GRID2: variants seen among roughly 807,000 people sequenced by gnomAD.
GRID2 encodes the protein glutamate receptor ionotropic, delta-2.
A neutral mutation model predicts 114.8 loss-of-function variants in GRID2; 33 were observed. That is an observed-to-expected ratio of 0.29 (90% CI 0.22 to 0.38). GRID2 has a LOEUF of 0.38. GRID2 is among the 10% of genes least tolerant of loss of function. GRID2 has a pLI of 1.00. For missense variants in GRID2, 1,184 were observed against 1,257.7 expected, an observed-to-expected ratio of 0.94 and a Z score of 0.89; for synonymous variants, 505 against 449.9, an observed-to-expected ratio of 1.12 and a Z score of -1.55.
chr4:92,528,292 A>T (rs1009563361), intron 1 of GRID2, among the ~76,000 whole-genome samples: 87 of 145,978 alleles, frequency 6.0e-4, no homozygotes, highest in African/African-American at 1.8e-3. Flanking sequence ...ATATATATAT[A>T]TTTTGAGTAT....
At chr4:92,390,512 G>A (rs950640222) in intron 1 of GRID2, among the ~76,000 whole-genome samples, 3 of 152,040 alleles carry the variant, frequency 2.0e-5, no homozygotes, top group African/African-American at 7.2e-5. Flanking sequence ...TTAATAGAAT[G>A]GATCAAGTCC....
At chr4:92,474,503 T>C (rs1042363478) in intron 1 of GRID2, among the ~76,000 whole-genome samples, 3 of 152,152 alleles carry the variant, frequency 2.0e-5, no homozygotes, top group African/African-American at 7.2e-5. Context: ...CTCTTTGAAA[T>C]AATGATTTCA....
At chr4:92,866,233 T>G (rs1385729008) in intron 2 of GRID2, among the ~76,000 whole-genome samples, 6 of 152,162 alleles carry the variant, frequency 3.9e-5, no homozygotes, top group Non-Finnish European at 8.8e-5. Flanking sequence ...GATACAGACA[T>G]AGATGGCCTT....
At chr4:92,527,689 T>C (rs1725112885) in intron 1 of GRID2, among the ~76,000 whole-genome samples, 1 of 151,964 alleles carries the variant, frequency 6.6e-6, no homozygotes, top group African/African-American at 2.4e-5. Context: ...TCTCACTTAG[T>C]GTGTTAGTAG....
At chr4:92,953,933 T>G (rs1218889097) in intron 2 of GRID2, among the ~76,000 whole-genome samples, 1 of 152,148 alleles carries the variant, frequency 6.6e-6, no homozygotes, top group African/African-American at 2.4e-5. Flanking sequence ...GAATAATTAT[T>G]AGAATTTTAT....
intron 8 of GRID2, among the ~76,000 whole-genome samples, chr4:93,328,009 T>A (rs1758022472): frequency 6.6e-6 from 1 of 152,046 alleles, no homozygotes; most frequent in Admixed American, 6.6e-5. Context: ...TCTCCTCTAC[T>A]GTCCTCCTTT....
chr4:92,759,527 T>C (rs1233959757), intron 2 of GRID2, among the ~76,000 whole-genome samples: 1 of 152,132 alleles, frequency 6.6e-6, no homozygotes, highest in Non-Finnish European at 1.5e-5. Context: ...CTCTTACATG[T>C]CTCTAAATAT....
intron 1 of GRID2, among the ~76,000 whole-genome samples, chr4:92,519,622 T>A (rs1724671646): frequency 1.3e-5 from 2 of 150,888 alleles, no homozygotes; most frequent in African/African-American, 4.9e-5. Context: ...TATGTATGTA[T>A]ATATAAGAGC....
At chr4:92,735,646 A>G (rs1159435748) in intron 2 of GRID2, among the ~76,000 whole-genome samples, 2 of 152,248 alleles carry the variant, frequency 1.3e-5, no homozygotes, top group East Asian at 3.9e-4. Context: ...TATTGTTTCC[A>G]GCTGATGTAA....
At chr4:92,380,026 G>A (rs1285984140) in intron 1 of GRID2, among the ~76,000 whole-genome samples, 1 of 151,932 alleles carries the variant, frequency 6.6e-6, no homozygotes, top group Non-Finnish European at 1.5e-5. Context: ...GTCTAATTAT[G>A]TGAAAAAACT....
At chr4:93,273,408 C>T (rs932739630) in intron 8 of GRID2, among the ~76,000 whole-genome samples, 2 of 152,016 alleles carry the variant, frequency 1.3e-5, no homozygotes, top group Non-Finnish European at 2.9e-5. Flanking sequence ...AGAATACCCT[C>T]CCCTCATTTT....
chr4:92,435,496 C>T (rs1467119283), intron 1 of GRID2, among the ~76,000 whole-genome samples: 1 of 152,144 alleles, frequency 6.6e-6, no homozygotes, highest in Non-Finnish European at 1.5e-5. Context: ...TCATTTATGT[C>T]ATACCCTACT....
chr4:93,323,500 G>T (rs111665114), intron 8 of GRID2, among the ~76,000 whole-genome samples: 16 of 151,964 alleles, frequency 1.1e-4, no homozygotes, highest in Non-Finnish European at 1.6e-4. Context: ...AGCTTTGTTC[G>T]TTTGAATTAG....
chr4:93,123,930 A>G (rs1039868284), intron 4 of GRID2, among the ~76,000 whole-genome samples: 3 of 137,676 alleles, frequency 2.2e-5, no homozygotes, highest in Non-Finnish European at 1.5e-5. Flanking sequence ...CAAACGGAGT[A>G]GTTAGACTGG....
chr4:92,476,023 C>CTT (rs752757998), intron 1 of GRID2, among the ~76,000 whole-genome samples: 20,480 of 124,968 alleles, frequency 0.16, 2,147 homozygotes, highest in Non-Finnish European at 0.23. Context: ...TTCAGTGCTT[C>CTT]TTTTTTTTTT....
rs1726910038 is a variant in GRID2, at chr4:93,490,704, T to C, written c.1924T>C (p.Leu642=). The change falls in exon 12 of 16, where the codon TTG becomes CTG. Residue 642 remains leucine (L), a synonymous_variant. Coordinates refer to ENST00000282020, the MANE Select transcript of GRID2 (RefSeq NM_001510.4). ...GATGGGGGCTTGGTGGCTATTTGCTTTGATTGTTATCTCATCTTACACGGC... is the reference window on the plus strand; with the variant it reads ...GATGGGGGCTTGGTGGCTATTTGCTCTGATTGTTATCTCATCTTACACGGC... ...MMMGAWWLFA[L]IVISSYTANL... 3 of 1,610,758 alleles carry C rather than the reference T, an allele frequency of 1.9e-6. No individual in the cohort carries two copies. The highest frequency in any genetic ancestry group is 3.3e-5 in the Admixed American group (2 of 59,790).
At chr4:93,389,559 C>T (rs751558128) in intron 8 of GRID2, among the ~76,000 whole-genome samples, 13 of 152,080 alleles carry the variant, frequency 8.5e-5, no homozygotes, top group Non-Finnish European at 1.8e-4. Flanking sequence ...TGTACCAATA[C>T]AACAATACTA....
At chr4:93,184,725 T>C (rs1384962881) in intron 4 of GRID2, among the ~76,000 whole-genome samples, 1 of 151,696 alleles carries the variant, frequency 6.6e-6, no homozygotes, top group African/African-American at 2.4e-5. Context: ...CTACAAAAAA[T>C]ACAAAAATTA....
chr4:93,046,039 T>C (rs553746874), intron 2 of GRID2, among the ~76,000 whole-genome samples: 1 of 152,218 alleles, frequency 6.6e-6, no homozygotes, highest in East Asian at 1.9e-4. Context: ...GAAACACTTG[T>C]AGAATGCTTG....
Sources: gnomAD v4.1 joint callset for allele counts (sites outside exome capture counted in the v4.1 genomes callset) on GRCh38, gnomAD v4.1.1 for gene constraint, MANE v1.5 for transcripts, NCBI Gene and HGNC (gene_info 2026-07-23, HGNC 2026-07-21) for gene names.